PIK3C2A: variants seen among roughly 807,000 people sequenced by gnomAD.
The protein encoded by PIK3C2A is phosphatidylinositol-4-phosphate 3-kinase catalytic subunit type 2 alpha.
A neutral mutation model predicts 204.5 loss-of-function variants in PIK3C2A; 97 were observed. The ratio of observed to expected loss-of-function variants is 0.47; its 90% confidence interval spans 0.40 to 0.56. PIK3C2A has a LOEUF of 0.56. Ranked by LOEUF, PIK3C2A falls within the 20% of genes least tolerant of loss-of-function variation. The pLI is 0.00. For synonymous variants in PIK3C2A, 653 were observed against 664.4 expected, an observed-to-expected ratio of 0.98 and a Z score of 0.26; for missense variants, 1,735 against 1,969.2, an observed-to-expected ratio of 0.88 and a Z score of 2.25.
intron 1 of PIK3C2A, chr11:17,193,963 A>T: frequency 2.9e-6 from 1 of 341,600 alleles, no homozygotes. Context: ...GGTGGACCCC[A>T]AATTCCTGAG....
chr11:17,205,473 CAAAAAAAAA>C (rs755518412), intron 1 of PIK3C2A, among the ~76,000 whole-genome samples: 22 of 25,386 alleles, frequency 8.7e-4, no homozygotes, highest in African/African-American at 2.3e-3. Context: ...GACTCCATCT[CAAAAAAAAA>C]AAAAAAAAAA....
At chr11:17,142,730 A>C (rs1201782418) in intron 8 of PIK3C2A, among the ~76,000 whole-genome samples, 1 of 152,088 alleles carries the variant, frequency 6.6e-6, no homozygotes, top group Non-Finnish European at 1.5e-5. Flanking sequence ...CCATCCATCC[A>C]TCGATCCATC....
At position 17,146,721 on chromosome 11, in the gene PIK3C2A, C is replaced by T. The variant is rs569563085; in HGVS notation, c.1561-779G>A. Among the ~76,000 whole-genome samples the T allele has an allele frequency of 2.3e-5, 3 of 131,914 alleles. No homozygotes were observed. In the East Asian group the frequency reaches 6.2e-4, roughly 27 times the overall value. 86.5% of individuals were successfully genotyped at this position (131,914 alleles called of 152,430 possible). ...GGATGACAGAGGGAAACTCTGTCTCCAAAAGAAAAAAAAAAAGAACATCAT... is the reference window on the plus strand; with the variant it reads ...GGATGACAGAGGGAAACTCTGTCTCTAAAAGAAAAAAAAAAAGAACATCAT... On this transcript the variant is annotated intron_variant, in intron 6 of 32. Transcript: ENST00000691414.
At chr11:17,192,030 A>C (rs1170763090) in intron 1 of PIK3C2A, among the ~76,000 whole-genome samples, 8 of 151,936 alleles carry the variant, frequency 5.3e-5, no homozygotes, top group African/African-American at 1.4e-4. Flanking sequence ...TTGTAGTCCC[A>C]GCTAGTCAGG....
Position 17,191,785 on chromosome 11 carries a change from C to T in PIK3C2A, c.-66+16063G>A, listed in dbSNP as rs150640625. Reference sequence around the variant, plus strand: ...CTCAAACTTTACAGTTTAGCTAACTCGGAGAGGATCTTCATAAAAGTTTTA... The same window carrying T: ...CTCAAACTTTACAGTTTAGCTAACTTGGAGAGGATCTTCATAAAAGTTTTA... On this transcript the variant is annotated intron_variant, in intron 1 of 32. Transcript: ENST00000691414. Among the ~76,000 whole-genome samples the T allele has an allele frequency of 4.1e-4, 63 of 152,118 alleles. 1 individual carries two copies. In the East Asian group the frequency reaches 0.011, roughly 27 times the overall value.
intron 1 of PIK3C2A, chr11:17,193,904 AAAGAAAAG>A (rs1565305945): frequency 4.3e-6 from 1 of 230,420 alleles, no homozygotes; most frequent in Non-Finnish European, 7.9e-6. Flanking sequence ...AAAGAAAAGA[AAAGAAAAG>A]AAAAGAAACC....
chr11:17,089,676 T>TG lies in PIK3C2A; in HGVS notation c.*61dup. ...GTGTGTGTGTGTGTGTCTGTGTGTG[T>TG]GTGCATGTATGCATGCACGTTTATA... On this transcript the variant is annotated 3_prime_UTR_variant, in exon 33 of 33. Coordinates refer to ENST00000691414, the MANE Select transcript of PIK3C2A (RefSeq NM_002645.4). The TG allele has an allele frequency of 2.2e-6, 2 of 908,960 alleles. No individual in the cohort carries two copies. Among genetic ancestry groups the TG allele is most frequent in the Non-Finnish European group, 3.5e-6 (2 of 565,562 alleles). The allele number at this position is 908,960 out of a possible 1,614,324, so 56.3% of individuals were successfully genotyped here. A position where few individuals can be genotyped will look rare whatever the true frequency, so the allele number is the denominator to read the frequency against.
chr11:17,188,401 T>C (rs557139489), intron 1 of PIK3C2A, among the ~76,000 whole-genome samples: 2 of 146,610 alleles, frequency 1.4e-5, no homozygotes, highest in Admixed American at 6.6e-5. Context: ...ATGAATTAAA[T>C]TTCAGAAAGT....
chr11:17,193,798 A>G (rs1852022576), intron 1 of PIK3C2A: 1 of 182,182 alleles, frequency 5.5e-6, no homozygotes, highest in Non-Finnish European at 1.1e-5. Context: ...GTGAGCCGAG[A>G]TCGCACCACT....
chr11:17,155,821 T>G (rs1232526981), intron 2 of PIK3C2A, among the ~76,000 whole-genome samples, 192 bp from the exon 3 acceptor site: 1 of 152,204 alleles, frequency 6.6e-6, no homozygotes, highest in Admixed American at 6.5e-5. Context: ...CTTATTTTCG[T>G]TCCTTGGTTT....
At position 17,102,780 on chromosome 11, in the gene PIK3C2A, C is replaced by T; in HGVS notation, c.3733G>A (p.Val1245Ile). The T allele has an allele frequency of 1.2e-6, 2 of 1,612,680 alleles. No homozygotes were observed. The highest frequency in any genetic ancestry group is 1.7e-6 in the Non-Finnish European group (2 of 1,178,802). Residue 1245 changes from valine (V) to isoleucine (I), a missense_variant, in exon 24 of 33, where the codon GTT (valine) becomes ATT (isoleucine). Val to Ile is a conservative substitution (Grantham distance 29). Around this residue, in one of 6 missense-constraint regions of PIK3C2A, gnomAD observed 503 missense variants for 669.0 expected, o/e 0.75. Coordinates refer to ENST00000691414, the MANE Select transcript of PIK3C2A (RefSeq NM_002645.4). ...SCAGCCVATY[V>I]LGICDRHNDN... is the part of the protein sequence containing the mutation. ...TTGTGTCGATCACAGATGCCTAAAA[C>T]ATAGGTGGCTACACAGCATCCAGCA...
At chr11:17,151,351 C>A (rs941495126) in intron 3 of PIK3C2A, among the ~76,000 whole-genome samples, 1 of 152,160 alleles carries the variant, frequency 6.6e-6, no homozygotes, top group African/African-American at 2.4e-5. Context: ...CTTGTGAGCT[C>A]TTTTAAACTG....
At chr11:17,155,036 C>T (rs149020658) in intron 3 of PIK3C2A, among the ~76,000 whole-genome samples, 173 of 152,284 alleles carry the variant, frequency 1.1e-3, no homozygotes, top group African/African-American at 4.0e-3. Flanking sequence ...CTCTGAGTCT[C>T]AGTTTCCTCA....
rs35069519 is a variant in PIK3C2A, at chr11:17,144,894, C to CAAAAAA, written c.1704+768_1704+773dup. Among the ~76,000 whole-genome samples, 28 of 78,120 alleles carry CAAAAAA rather than the reference C, an allele frequency of 3.6e-4. 2 individuals carry two copies. Among genetic ancestry groups the CAAAAAA allele is most frequent in the Admixed American group, 2.0e-3 (15 of 7,440 alleles). 51.2% of individuals were successfully genotyped at this position (78,120 alleles called of 152,430 possible). ...TGAGCAACACATGGAGACTCAGCCT[C>CAAAAAA]AAAAAAAAAAAAAAAAAAAAAAAAA... On this transcript the variant is annotated intron_variant, in intron 8 of 32. Coordinates refer to ENST00000691414, the MANE Select transcript of PIK3C2A (RefSeq NM_002645.4).
At chr11:17,143,350 T>TA (rs1252854674) in intron 8 of PIK3C2A, among the ~76,000 whole-genome samples, 1 of 152,140 alleles carries the variant, frequency 6.6e-6, no homozygotes, top group Non-Finnish European at 1.5e-5. Flanking sequence ...TGGACTGCTA[T>TA]AAAAACCTTT....
At chr11:17,206,266 G>A (rs1297951837) in intron 1 of PIK3C2A, among the ~76,000 whole-genome samples, 5 of 152,158 alleles carry the variant, frequency 3.3e-5, no homozygotes, top group South Asian at 2.1e-4. Context: ...CCAAAATTAC[G>A]GAATTTATGG....
chr11:17,199,295 C>T (rs1007734930), intron 1 of PIK3C2A, among the ~76,000 whole-genome samples: 1 of 152,066 alleles, frequency 6.6e-6, no homozygotes, highest in African/African-American at 2.4e-5. Flanking sequence ...TAAAATGGTA[C>T]AGCCACTTTG....
chr11:17,170,759 T>A (rs1851128927), intron 1 of PIK3C2A, among the ~76,000 whole-genome samples: 1 of 152,170 alleles, frequency 6.6e-6, no homozygotes. Context: ...CTAATCAATA[T>A]GATAAAAGGG....
intron 1 of PIK3C2A, among the ~76,000 whole-genome samples, chr11:17,195,742 CA>C (rs56286931): frequency 9.8e-4 from 137 of 139,678 alleles, no homozygotes; most frequent in Non-Finnish European, 1.0e-3. Flanking sequence ...GACTCTATTG[CA>C]AAAAAAAAAA....
Sources: gnomAD v4.1 joint callset for allele counts (sites outside exome capture counted in the v4.1 genomes callset) on GRCh38, gnomAD v4.1.1 for gene constraint, gnomAD v4.1.1 regional missense constraint, MANE v1.5 for transcripts, NCBI Gene and HGNC (gene_info 2026-07-23, HGNC 2026-07-21) for gene names.